The following ALDH1A2 variants were observed in gnomAD, a reference collection of about 807,000 sequenced individuals.
ALDH1A2 encodes the protein retinal dehydrogenase 2.
In ALDH1A2, 27 loss-of-function variants were observed where a neutral mutation model predicts 60.3. The ratio of observed to expected loss-of-function variants is 0.45; its 90% CI spans 0.33 to 0.62. The LOEUF (loss-of-function observed/expected upper bound fraction) is 0.62. ALDH1A2 is among the 20% of genes least tolerant of loss of function. ALDH1A2 has a pLI of 0.02. For missense variants in ALDH1A2, 581 were observed against 643.8 expected (o/e 0.90, Z 1.06); for synonymous variants, 289 against 232.4 (o/e 1.24, Z -2.21).
At chr15:58,057,486 T>C (rs1426629835) in intron 1 of ALDH1A2, among the ~76,000 whole-genome samples, 1 of 152,148 alleles carries the variant, frequency 6.6e-6, no homozygotes. Flanking sequence ...TTTTAAAAAA[T>C]TAGAAGCAAA....
chr15:57,957,067 C>T (rs1893552176), intron 12 of ALDH1A2, among the ~76,000 whole-genome samples: 1 of 152,194 alleles, frequency 6.6e-6, no homozygotes, highest in Non-Finnish European at 1.5e-5. Context: ...ACCAAAAGAA[C>T]TGCTCTGTGC....
In ALDH1A2 at chr15:57,992,706, T is replaced by A; in HGVS notation, c.797A>T (p.Glu266Val). ...IDKIAFTGST[E>V]VGKLIQEAAG... ...AGCCCTGGTTTTTCAGATACCTACC[T>A]CAGTAGACCCTGTGAATGCAATCTT... Residue 266 changes from glutamate (E) to valine (V), a missense_variant and splice_region_variant, in exon 7 of 13, where the codon GAG becomes GTG. Around this residue, in one of 2 missense-constraint regions of ALDH1A2, gnomAD observed 375 missense variants for 469.7 expected, o/e 0.80. Transcript: ENST00000249750. 6.2e-7 allele frequency: 1 copy of A among 1,613,902 alleles called. No homozygotes were observed. Among genetic ancestry groups the A allele is most frequent in the Non-Finnish European group, 8.5e-7 (1 of 1,179,758 alleles).
intron 7 of ALDH1A2, among the ~76,000 whole-genome samples, chr15:57,977,280 C>T (rs1894294505): frequency 6.6e-6 from 1 of 152,078 alleles, no homozygotes; most frequent in Non-Finnish European, 1.5e-5. Context: ...TCAATTTTGG[C>T]CATTGCCTTT....
chr15:57,966,291 C>G (rs552484328), intron 7 of ALDH1A2, among the ~76,000 whole-genome samples: 3 of 152,172 alleles, frequency 2.0e-5, no homozygotes, highest in Non-Finnish European at 2.9e-5. Context: ...TCCAAAGAGA[C>G]TATCAATATT....
chr15:57,989,924 C>T (rs867231210), intron 7 of ALDH1A2, among the ~76,000 whole-genome samples: 2 of 52,698 alleles, frequency 3.8e-5, no homozygotes, highest in Admixed American at 1.7e-4. Context: ...AATGACAGGA[C>T]GGAGCTTGCA....
chr15:57,988,821 C>T (rs184026054), intron 7 of ALDH1A2, among the ~76,000 whole-genome samples: 228 of 152,322 alleles, frequency 1.5e-3, no homozygotes, highest in African/African-American at 5.2e-3. Flanking sequence ...TATGTGGCTT[C>T]TTGTCTGGCC....
At chr15:57,966,729 T>C (rs928779515) in intron 7 of ALDH1A2, among the ~76,000 whole-genome samples, 2 of 152,168 alleles carry the variant, frequency 1.3e-5, no homozygotes, top group East Asian at 1.9e-4. Context: ...AGGGACGGTA[T>C]ATACTCCATG....
intron 4 of ALDH1A2, among the ~76,000 whole-genome samples, chr15:58,001,149 T>G (rs1044679984): frequency 3.3e-5 from 5 of 150,672 alleles, no homozygotes; most frequent in Admixed American, 6.6e-5. Flanking sequence ...ATAGAGCAAC[T>G]ATCATTATCA....
intron 1 of ALDH1A2, among the ~76,000 whole-genome samples, chr15:58,047,196 T>C (rs965799103): frequency 4.9e-4 from 75 of 152,058 alleles, no homozygotes; most frequent in Non-Finnish European, 3.4e-4. Flanking sequence ...CAGTGAATCT[T>C]TGACATAAAG....
intron 9 of ALDH1A2, 94 bp downstream of exon 9, chr15:57,963,791 G>C (rs1025301457): frequency 7.4e-6 from 10 of 1,346,820 alleles, no homozygotes; most frequent in Non-Finnish European, 9.4e-6. Context: ...AGCCGAAAAG[G>C]AAGATGTCGC....
intron 7 of ALDH1A2, among the ~76,000 whole-genome samples, chr15:57,988,476 GAAC>G (rs1392547902): frequency 2.0e-5 from 3 of 152,150 alleles, no homozygotes; most frequent in African/African-American, 7.2e-5. Context: ...ATTGAATGTT[GAAC>G]AACAAAAATG....
chr15:57,983,965 T>C (rs1478092373), intron 7 of ALDH1A2, among the ~76,000 whole-genome samples: 1 of 152,192 alleles, frequency 6.6e-6, no homozygotes, highest in East Asian at 1.9e-4. Context: ...TTGAAGTGAA[T>C]TTTAGGAAAA....
chr15:58,049,660 G>C (rs1477277477), intron 1 of ALDH1A2, among the ~76,000 whole-genome samples: 1 of 151,902 alleles, frequency 6.6e-6, no homozygotes, highest in African/African-American at 2.4e-5. Flanking sequence ...CACATTAACT[G>C]GTCTCCCCAA....
chr15:58,047,004 C>G (rs1217721624), intron 1 of ALDH1A2, among the ~76,000 whole-genome samples: 1 of 151,990 alleles, frequency 6.6e-6, no homozygotes, highest in African/African-American at 2.4e-5. Context: ...TGCTTGGCCA[C>G]TTTTGCAACA....
intron 1 of ALDH1A2, among the ~76,000 whole-genome samples, chr15:58,016,966 T>C (rs760401903): frequency 2.0e-5 from 3 of 152,140 alleles, no homozygotes; most frequent in Non-Finnish European, 4.4e-5. Context: ...GGATAAAGAA[T>C]AAAATTAAGA....
chr15:57,980,508 C>A (rs1318537941), intron 7 of ALDH1A2: 2 of 272,942 alleles, frequency 7.3e-6, no homozygotes, highest in Admixed American at 3.8e-5. Flanking sequence ...AAGTCAGGCT[C>A]AATGGAGATG....
chr15:57,979,990 A>G (rs959663764), intron 7 of ALDH1A2: 5 of 336,568 alleles, frequency 1.5e-5, no homozygotes, highest in African/African-American at 8.6e-5. Flanking sequence ...TGTCATGCTC[A>G]CCTGGCTGGC....
intron 7 of ALDH1A2, among the ~76,000 whole-genome samples, chr15:57,970,952 A>C (rs1894043104): frequency 6.6e-6 from 1 of 152,228 alleles, no homozygotes; most frequent in Non-Finnish European, 1.5e-5. Context: ...AGTACCCAGA[A>C]ATAACAGGCC....
chr15:58,022,450 C>A (rs1350182420), intron 1 of ALDH1A2, among the ~76,000 whole-genome samples: 1 of 152,182 alleles, frequency 6.6e-6, no homozygotes, highest in Non-Finnish European at 1.5e-5. Context: ...ACTACTGCTA[C>A]TGCCATTGCC....
Sources: gnomAD v4.1 joint callset for allele counts (sites outside exome capture counted in the v4.1 genomes callset) on GRCh38, gnomAD v4.1.1 for gene constraint, gnomAD v4.1.1 regional missense constraint, MANE v1.5 for transcripts, NCBI Gene and HGNC (gene_info 2026-07-23, HGNC 2026-07-21) for gene names.